Variants in BCL2L13 observed in about 807,000 individuals in gnomAD.
BCL2L13 encodes the protein BCL2 like 13.
In BCL2L13, 13 loss-of-function variants were observed where a neutral mutation model predicts 25.8. The ratio of observed to expected loss-of-function variants is 0.50; its 90% CI spans 0.33 to 0.80. The LOEUF (loss-of-function observed/expected upper bound fraction) is 0.80, where lower values mean the gene tolerates loss of function less well. Among genes scored for constraint, BCL2L13 ranks in the 30% least tolerant of loss-of-function variants. The pLI is 0.02. For missense variants in BCL2L13, 504 were observed against 574.9 expected, an observed-to-expected ratio of 0.88 and a Z score of 1.26; for synonymous variants, 244 against 230.3, an observed-to-expected ratio of 1.06 and a Z score of -0.54.
upstream of BCL2L13, chr22:17,638,103 TACC>T: frequency 1.3e-5 from 2 of 152,216 alleles, no homozygotes; most frequent in African/African-American, 4.8e-5. Context: ...CTCTCCTAGA[TACC>T]TTCCGATACT....
At chr22:17,653,664 C>T (rs1401488690) in intron 1 of BCL2L13, among the ~76,000 whole-genome samples, 1 of 151,744 alleles carries the variant, frequency 6.6e-6, no homozygotes, top group African/African-American at 2.4e-5. Context: ...GCCACCACAC[C>T]CAGGGCTAAT....
At chr22:17,669,994 G>A (rs1231401954) in intron 2 of BCL2L13, among the ~76,000 whole-genome samples, 1 of 152,132 alleles carries the variant, frequency 6.6e-6, no homozygotes, top group Non-Finnish European at 1.5e-5. Flanking sequence ...ATCTCTTGTT[G>A]TTGTCTCAGC....
chr22:17,726,808 C>T lies in BCL2L13; in HGVS notation c.732C>T (p.Thr244=), dbSNP rs1297310017. 2 of 1,614,208 alleles carry T rather than the reference C, an allele frequency of 1.2e-6. No individual in the cohort carries two copies. The highest frequency in any genetic ancestry group is 1.7e-6 in the Non-Finnish European group (2 of 1,180,054). The stretch of plus-strand genomic sequence containing the variant: ...GTCCCCCAGAGTCTCCAACTGTGAC[C>T]ACTTCCTGGCAGTCTGAGAGCTTAC... ...QVSPPESPTV[T]TSWQSESLPV... Residue 244 remains threonine (T), a synonymous_variant, in exon 7 of 7, where the codon ACC becomes ACT. Coordinates refer to ENST00000317582, the MANE Select transcript of BCL2L13 (RefSeq NM_015367.4).
intron 6 of BCL2L13, among the ~76,000 whole-genome samples, chr22:17,709,652 G>A (rs2060690504): frequency 6.6e-6 from 1 of 152,182 alleles, no homozygotes; most frequent in African/African-American, 2.4e-5. Context: ...AGGCATGGTG[G>A]TGGGTTCCTG....
chr22:17,703,210 CAT>C (rs906058915), intron 6 of BCL2L13: 29 of 149,158 alleles, frequency 1.9e-4, no homozygotes, highest in African/African-American at 5.3e-4. Context: ...TATATACACA[CAT>C]GTATATTTTT....
chr22:17,639,572 A>G (rs547478016), intron 1 of BCL2L13, among the ~76,000 whole-genome samples: 20 of 152,290 alleles, frequency 1.3e-4, no homozygotes, highest in Middle Eastern at 3.4e-3. Context: ...AGTTGTTCAC[A>G]TGCTGTTGAC....
At chr22:17,693,134 G>T (rs190943356) in intron 4 of BCL2L13, among the ~76,000 whole-genome samples, 4 of 151,908 alleles carry the variant, frequency 2.6e-5, no homozygotes, top group Admixed American at 1.3e-4. Context: ...GTGGGTTTGG[G>T]ATAATTTCTT....
intron 1 of BCL2L13, among the ~76,000 whole-genome samples, chr22:17,648,665 T>C (rs10483095): frequency 0.015 from 2,252 of 152,258 alleles, 55 homozygotes; most frequent in African/African-American, 0.05. Flanking sequence ...TGAATAAATA[T>C]AATCCTTCAC....
intron 3 of BCL2L13, among the ~76,000 whole-genome samples, chr22:17,688,309 A>G (rs1355504297): frequency 6.6e-6 from 1 of 152,220 alleles, no homozygotes; most frequent in Non-Finnish European, 1.5e-5. Flanking sequence ...TAGTTTGAAA[A>G]TTTATCCATG....
intron 6 of BCL2L13, among the ~76,000 whole-genome samples, chr22:17,724,375 C>T (rs1170567120): frequency 3.3e-5 from 5 of 152,214 alleles, no homozygotes; most frequent in Non-Finnish European, 7.3e-5. Flanking sequence ...ATTCGCACAG[C>T]TGGTACACAG....
chr22:17,657,254 A>G (rs2058904433), intron 2 of BCL2L13, among the ~76,000 whole-genome samples: 1 of 152,234 alleles, frequency 6.6e-6, no homozygotes, highest in Non-Finnish European at 1.5e-5. Flanking sequence ...AATAAAATTT[A>G]TGTTTTACAC....
intron 2 of BCL2L13, among the ~76,000 whole-genome samples, chr22:17,665,169 C>G (rs77943409): frequency 0.015 from 2,248 of 152,260 alleles, 55 homozygotes; most frequent in African/African-American, 0.05. Flanking sequence ...GCCAGATACC[C>G]TAAATCATCT....
At chr22:17,680,414 C>T (rs1366958905) in intron 2 of BCL2L13, among the ~76,000 whole-genome samples, 2 of 142,536 alleles carry the variant, frequency 1.4e-5, no homozygotes. Context: ...GAGGTTGAGG[C>T]AGGAGAATGG....
Position 17,644,334 on chromosome 22 carries a change from CT to C in BCL2L13, c.-51+5463del, listed in dbSNP as rs34881981. 7.0e-3 allele frequency among the ~76,000 whole-genome samples: 978 copies of C among 139,330 alleles called. 33 individuals carry two copies. In the East Asian group the frequency reaches 0.1, roughly 15 times the overall value. The allele number at this position is 139,330 out of a possible 152,430, so 91.4% of individuals were successfully genotyped here. ...TGTATTACTGGAGCATTTAATAATT[CT>C]TTTTTTTTTTTTTTGAGACAGATTC... On this transcript the variant is annotated intron_variant, in intron 1 of 6. Coordinates refer to ENST00000317582, the MANE Select transcript of BCL2L13 (RefSeq NM_015367.4).
At chr22:17,640,701 T>TAAAA (rs572383716) in intron 1 of BCL2L13, among the ~76,000 whole-genome samples, 5 of 141,004 alleles carry the variant, frequency 3.5e-5, no homozygotes, top group African/African-American at 1.3e-4. Context: ...CACAAAAAAT[T>TAAAA]AAAAAAAAAA....
Position 17,683,247 on chromosome 22 carries a change from A to G in BCL2L13, c.155A>G (p.Asp52Gly), listed in dbSNP as rs747699655. 1.9e-6 allele frequency: 3 copies of G among 1,592,316 alleles called. No individual in the cohort carries two copies. Among genetic ancestry groups the G allele is most frequent in the Non-Finnish European group, 2.6e-6 (3 of 1,166,370 alleles). The change falls in exon 3 of 7, where the codon GAT becomes GGT. Residue 52 changes from aspartate (D) to glycine (G), a missense_variant. Physicochemically the swap from Asp to Gly is moderately conservative, Grantham distance 94. Coordinates refer to ENST00000317582, the MANE Select transcript of BCL2L13 (RefSeq NM_015367.4). Reference protein sequence around the residue: ...VQLDIASQSLDQEILLKVKTE... With the variant: ...VQLDIASQSLGQEILLKVKTE... ...CTAGATATAGCTTCACAATCTCTGGATCAAGAAATTTTATTAAAAGTTAAA... is the reference window on the plus strand; with the variant it reads ...CTAGATATAGCTTCACAATCTCTGGGTCAAGAAATTTTATTAAAAGTTAAA...
chr22:17,692,758 G>A (rs1568980828), intron 4 of BCL2L13, among the ~76,000 whole-genome samples: 1 of 152,252 alleles, frequency 6.6e-6, no homozygotes, highest in South Asian at 2.1e-4. Context: ...AGACCAGTGC[G>A]ATTCAATGCA....
upstream of BCL2L13, among the ~76,000 whole-genome samples, chr22:17,637,381 T>G (rs1330430478): frequency 1.4e-4 from 20 of 143,528 alleles, no homozygotes; most frequent in Admixed American, 5.0e-4. Context: ...CACTCCAGCC[T>G]GGGCGACAGA....
intron 1 of BCL2L13, among the ~76,000 whole-genome samples, chr22:17,643,943 C>G (rs1217890390): frequency 2.0e-5 from 3 of 151,288 alleles, no homozygotes; most frequent in Non-Finnish European, 2.9e-5. Context: ...GAATCTCACT[C>G]TGTTGTCCAG....
Sources: gnomAD v4.1 joint callset for allele counts (sites outside exome capture counted in the v4.1 genomes callset) on GRCh38, gnomAD v4.1.1 for gene constraint, MANE v1.5 for transcripts, NCBI Gene and HGNC (gene_info 2026-07-23, HGNC 2026-07-21) for gene names.